ELMO1: variants seen among roughly 807,000 people sequenced by gnomAD.
ELMO1 encodes the protein engulfment and cell motility 1.
In ELMO1, 26 loss-of-function variants were observed where a neutral mutation model predicts 98.9. The observed-to-expected ratio is 0.26, with a 90% confidence interval of 0.19 to 0.36. ELMO1 has a LOEUF of 0.36. Ranked by LOEUF, ELMO1 falls within the 10% of genes least tolerant of loss-of-function variation. The pLI is 1.00. For synonymous variants in ELMO1, 346 were observed against 346.0 expected (o/e 1.00, Z 0.00); for missense variants, 627 against 935.2 (o/e 0.67, Z 4.30).
intron 21 of ELMO1, among the ~76,000 whole-genome samples, chr7:36,857,562 C>T (rs144480608): frequency 1.8e-3 from 270 of 152,228 alleles, no homozygotes; most frequent in African/African-American, 6.4e-3. Flanking sequence ...ACTTCTGCAG[C>T]ACGTTTCTTT....
rs139283854 is a variant in ELMO1 at position 37,001,702 on chromosome 7, G to A, written c.1437+11597C>T. ...TTTCAACAGGTAAATGGGGGAAGACGTTTCTGGTAGAGGGAATGAGACATG... is the reference window on the plus strand; with the variant it reads ...TTTCAACAGGTAAATGGGGGAAGACATTTCTGGTAGAGGGAATGAGACATG... On this transcript the variant is annotated intron_variant, in intron 16 of 21. Coordinates refer to ENST00000310758, the MANE Select transcript of ELMO1 (RefSeq NM_014800.11). 2.0e-4 allele frequency among the ~76,000 whole-genome samples: 31 copies of A among 152,318 alleles called. No individual in the cohort carries two copies. The East Asian group carries it at 2.9e-3, about 14-fold the overall frequency.
At chr7:36,986,652 T>A (rs1366362087) in intron 16 of ELMO1, 1 of 152,184 alleles carries the variant, frequency 6.6e-6, no homozygotes, top group East Asian at 1.9e-4. Flanking sequence ...CAATCTCATC[T>A]CTTCCCCTCT....
intron 16 of ELMO1, among the ~76,000 whole-genome samples, chr7:36,954,073 T>C (rs1328126104): frequency 6.6e-6 from 1 of 152,216 alleles, no homozygotes; most frequent in Non-Finnish European, 1.5e-5. Context: ...GATTTCCAAA[T>C]TCACTGTTGT....
intron 16 of ELMO1, among the ~76,000 whole-genome samples, chr7:36,905,799 A>G (rs1367654730): frequency 6.6e-6 from 1 of 152,228 alleles, no homozygotes; most frequent in African/African-American, 2.4e-5. Flanking sequence ...TGAATGAGCT[A>G]AACAGAAGAT....
At chr7:37,044,727 G>A (rs1424755501) in intron 15 of ELMO1, among the ~76,000 whole-genome samples, 1 of 152,148 alleles carries the variant, frequency 6.6e-6, no homozygotes, top group Non-Finnish European at 1.5e-5. Flanking sequence ...TTTCTGCAGC[G>A]AGATGCATGG....
At chr7:36,942,023 A>G (rs1052120510) in intron 16 of ELMO1, among the ~76,000 whole-genome samples, 2 of 152,236 alleles carry the variant, frequency 1.3e-5, no homozygotes, top group Non-Finnish European at 2.9e-5. Flanking sequence ...TTCGTGCTGA[A>G]TGATTTCCAG....
chr7:37,376,287 G>A (rs778249205), intron 1 of ELMO1, among the ~76,000 whole-genome samples: 11 of 152,052 alleles, frequency 7.2e-5, no homozygotes, highest in Non-Finnish European at 1.6e-4. Context: ...ATCTTGCTTC[G>A]AACAGCCCTT....
At chr7:37,446,586 C>T (rs926625109) in intron 1 of ELMO1, among the ~76,000 whole-genome samples, 3 of 152,146 alleles carry the variant, frequency 2.0e-5, no homozygotes, top group Non-Finnish European at 4.4e-5. Flanking sequence ...GAATGTAAGA[C>T]GGTGAGGGTG....
At chr7:36,990,941 T>C (rs543392556) in intron 16 of ELMO1, among the ~76,000 whole-genome samples, 9 of 152,166 alleles carry the variant, frequency 5.9e-5, no homozygotes, top group Non-Finnish European at 1.5e-5. Context: ...AGGGATTCCA[T>C]TTACCGGGCA....
intron 13 of ELMO1, among the ~76,000 whole-genome samples, chr7:37,197,938 G>A: frequency 6.6e-6 from 1 of 152,072 alleles, no homozygotes; most frequent in Non-Finnish European, 1.5e-5. Flanking sequence ...CTCTCCAAAG[G>A]GTATCGTGGA....
chr7:36,990,208 T>C (rs1444347353), intron 16 of ELMO1, among the ~76,000 whole-genome samples: 1 of 152,214 alleles, frequency 6.6e-6, no homozygotes, highest in Non-Finnish European at 1.5e-5. Context: ...ACCTGGACTT[T>C]CTGGCGATTT....
In ELMO1 at chr7:37,187,130, G is replaced by A. The variant is rs188341679; in HGVS notation, c.1086+24256C>T. ...ATGAGAGAATAAAATCAGACAATAA[G>A]AAGAAACAAAGAACGGATACATGAG... On this transcript the variant is annotated intron_variant, in intron 13 of 21. Transcript: ENST00000310758. Among the ~76,000 whole-genome samples, 259 of 152,250 alleles carry A rather than the reference G, an allele frequency of 1.7e-3. 4 individuals carry two copies. Among genetic ancestry groups the A allele is most frequent in the Admixed American group, 0.015 (236 of 15,290 alleles).
intron 15 of ELMO1, among the ~76,000 whole-genome samples, chr7:37,072,833 G>A (rs75092423): frequency 3.7e-3 from 568 of 152,218 alleles, no homozygotes; most frequent in African/African-American, 0.013. Flanking sequence ...AATACACATG[G>A]ACAATACATA....
At chr7:37,375,208 A>C (rs1040721773) in intron 1 of ELMO1, among the ~76,000 whole-genome samples, 1 of 152,202 alleles carries the variant, frequency 6.6e-6, no homozygotes, top group African/African-American at 2.4e-5. Context: ...AGCAGATTAC[A>C]TTTCCCTTGC....
chr7:36,995,497 ACT>A (rs1210873077), intron 16 of ELMO1, among the ~76,000 whole-genome samples: 1 of 149,474 alleles, frequency 6.7e-6, no homozygotes, highest in Non-Finnish European at 1.5e-5. Flanking sequence ...ACAGAGTGAG[ACT>A]CTGTCTCAAA....
intron 4 of ELMO1, among the ~76,000 whole-genome samples, chr7:37,278,852 T>G (rs1234589216): frequency 6.6e-6 from 1 of 152,214 alleles, no homozygotes; most frequent in African/African-American, 2.4e-5. Flanking sequence ...AGCATTTAAC[T>G]GAGGCAAGGT....
intron 15 of ELMO1, among the ~76,000 whole-genome samples, chr7:37,053,975 C>T (rs180933262): frequency 1.0e-3 from 159 of 152,144 alleles, no homozygotes; most frequent in Non-Finnish European, 1.5e-3. Flanking sequence ...TTTGGGGTAT[C>T]CTAAAAAGTC....
intron 1 of ELMO1, among the ~76,000 whole-genome samples, chr7:37,417,045 G>A (rs1804245643): frequency 6.6e-6 from 1 of 152,172 alleles, no homozygotes; most frequent in South Asian, 2.1e-4. Flanking sequence ...GTGATACTCT[G>A]CCAAGCATGA....
intron 16 of ELMO1, among the ~76,000 whole-genome samples, chr7:37,001,120 T>C (rs1217740781): frequency 1.3e-5 from 2 of 152,144 alleles, no homozygotes; most frequent in Non-Finnish European, 1.5e-5. Flanking sequence ...AAGAAACAGA[T>C]GGCAAAATCA....
Sources: allele counts gnomAD v4.1 joint callset (sites outside exome capture counted in the v4.1 genomes callset), GRCh38; gene constraint gnomAD v4.1.1; transcripts MANE v1.5; gene names NCBI Gene and HGNC (gene_info 2026-07-23, HGNC 2026-07-21).